Variants in PCDHGA7 observed in about 807,000 individuals in gnomAD.
PCDHGA7 encodes protocadherin gamma-A7.
PCDHGA7 carries 44 observed loss-of-function variants against 58.3 expected under a neutral mutation model. The observed-to-expected ratio is 0.75, with a 90% CI of 0.59 to 0.97. PCDHGA7 has a LOEUF of 0.97. Among genes scored for constraint, PCDHGA7 ranks in the 50% least tolerant of loss-of-function variants. The pLI is 0.00. For synonymous variants in PCDHGA7, 516 were observed against 504.2 expected (o/e 1.02, Z -0.31); for missense variants, 1,266 against 1,188.7 (o/e 1.06, Z -0.96).
intron 1 of PCDHGA7, chr5:141,426,675 C>T: frequency 2.3e-6 from 1 of 431,942 alleles, no homozygotes; most frequent in South Asian, 1.6e-5. Flanking sequence ...TAACCCACCT[C>T]ATTTTCCCCA....
At chr5:141,404,855 A>G (rs370062374) in intron 1 of PCDHGA7, 13 of 1,613,704 alleles carry the variant, frequency 8.1e-6, no homozygotes, top group African/African-American at 2.7e-5. Flanking sequence ...CCTGCTAGAT[A>G]GAGATGCGCT....
At chr5:141,430,729 G>T in intron 1 of PCDHGA7, 1 of 1,499,360 alleles carries the variant, frequency 6.7e-7, no homozygotes, top group East Asian at 2.3e-5. Flanking sequence ...GTTAAGGGCA[G>T]AATTGAAAAT....
At position 141,485,035 on chromosome 5, in the gene PCDHGA7, AC is replaced by A; in HGVS notation, c.2425-9769del. ...CCGCCACCAGCAAAAACGGCGCGTA[AC>A]CCTTGCGGCGCCGGCCGAACCGCGC... On this transcript the variant is annotated intron_variant, in intron 1 of 3. Coordinates refer to ENST00000518325, the MANE Select transcript of PCDHGA7 (RefSeq NM_018920.4). The surrounding 1 kb of genome is among the most constrained non-coding windows in gnomAD (Gnocchi z 5.7). 1.4e-6 allele frequency: 1 copy of A among 694,388 alleles called. No homozygotes were observed. Among genetic ancestry groups the A allele is most frequent in the East Asian group, 2.6e-5 (1 of 38,852 alleles). The allele number at this position is 694,388 out of a possible 1,614,324, so 43.0% of individuals were successfully genotyped here.
At chr5:141,451,302 G>A (rs1445994098) in intron 1 of PCDHGA7, among the ~76,000 whole-genome samples, 1 of 152,208 alleles carries the variant, frequency 6.6e-6, no homozygotes, top group Non-Finnish European at 1.5e-5. Context: ...GTCTTACAAG[G>A]CAGCAATTAA....
chr5:141,479,003 C>T (rs2099485569), intron 1 of PCDHGA7, among the ~76,000 whole-genome samples: 1 of 152,176 alleles, frequency 6.6e-6, no homozygotes, highest in South Asian at 2.1e-4. Context: ...AAACTAATAG[C>T]TTTTTGATAA....
In PCDHGA7 at chr5:141,385,425, T is replaced by C; in HGVS notation, c.2424+102T>C. On this transcript the variant is annotated intron_variant, in intron 1 of 3. Coordinates refer to ENST00000518325, the MANE Select transcript of PCDHGA7 (RefSeq NM_018920.4). The stretch of plus-strand genomic sequence containing the variant: ...TTTTGAAAATAGGGATTTAAAAAAC[T>C]TTATAGAGGTAAAAATGAGTTTACC... The C allele has an allele frequency of 2.7e-6, 4 of 1,460,336 alleles. No individual in the cohort carries two copies. The South Asian group carries it at 4.4e-5, about 16-fold the overall frequency. The allele number at this position is 1,460,336 out of a possible 1,614,324, so 90.5% of individuals were successfully genotyped here. A position where few individuals can be genotyped will look rare whatever the true frequency, so the allele number is the denominator to read the frequency against.
intron 1 of PCDHGA7, chr5:141,399,835 C>T (rs756646382): frequency 1.2e-6 from 2 of 1,613,164 alleles, no homozygotes; most frequent in South Asian, 2.2e-5. Flanking sequence ...CGGCTCTGCG[C>T]TCTTCGATAT....
chr5:141,434,938 A>G (rs938787407), intron 1 of PCDHGA7, among the ~76,000 whole-genome samples: 2 of 151,738 alleles, frequency 1.3e-5, no homozygotes, highest in Admixed American at 1.3e-4. Flanking sequence ...TATATAATAG[A>G]TATAATTTAT....
intron 1 of PCDHGA7, among the ~76,000 whole-genome samples, chr5:141,447,221 C>A (rs1034853072): frequency 6.6e-6 from 1 of 152,026 alleles, no homozygotes; most frequent in Non-Finnish European, 1.5e-5. Context: ...CTCACTGCAA[C>A]CTCCGCCTCC....
intron 1 of PCDHGA7, chr5:141,388,783 C>A: frequency 3.1e-6 from 5 of 1,613,818 alleles, no homozygotes; most frequent in South Asian, 1.1e-5. Context: ...GGGGAAATTA[C>A]TGTTTTAAAT....
At position 141,389,059 on chromosome 5, in the gene PCDHGA7, T is replaced by C. The variant is rs773183818; in HGVS notation, c.2424+3736T>C. The stretch of plus-strand genomic sequence containing the variant: ...TTGGAAGGTGATGTTCCATTTAAAA[T>C]ATTAACTTCTTCAAGAAACACGTAT... On this transcript the variant is annotated intron_variant, in intron 1 of 3. Transcript: ENST00000518325. 4 of 1,613,988 alleles carry C rather than the reference T, an allele frequency of 2.5e-6. No individual in the cohort carries two copies. In the South Asian group the frequency reaches 4.4e-5, roughly 18 times the overall value.
intron 1 of PCDHGA7, among the ~76,000 whole-genome samples, chr5:141,472,590 C>G (rs1161871973): frequency 6.6e-6 from 1 of 151,908 alleles, no homozygotes; most frequent in African/African-American, 2.4e-5. Flanking sequence ...GTCAGAAGCT[C>G]TCTTGAAATT....
At chr5:141,394,764 C>T in intron 1 of PCDHGA7, 3 of 1,613,450 alleles carry the variant, frequency 1.9e-6, no homozygotes, top group Middle Eastern at 1.6e-4. Flanking sequence ...GGACCATGGC[C>T]AGCCCCCTCT....
At position 141,432,202 on chromosome 5, in the gene PCDHGA7, T is replaced by C; in HGVS notation, c.2424+46879T>C. 1 of 1,614,120 alleles carries C rather than the reference T, an allele frequency of 6.2e-7. No homozygotes were observed. The highest frequency in any genetic ancestry group is 1.1e-5 in the South Asian group (1 of 91,072). ...CTGTGACCGCCCACGACCCCGACTGTGAAGAGAACGCCCAGATCACTTATT... is the reference window on the plus strand; with the variant it reads ...CTGTGACCGCCCACGACCCCGACTGCGAAGAGAACGCCCAGATCACTTATT... On this transcript the variant is annotated intron_variant, in intron 1 of 3. Coordinates refer to ENST00000518325, the MANE Select transcript of PCDHGA7 (RefSeq NM_018920.4). The surrounding 1 kb of genome is among the most constrained non-coding windows in gnomAD (Gnocchi z 6.0).
chr5:141,449,066 A>G (rs1234801725), intron 1 of PCDHGA7, among the ~76,000 whole-genome samples: 3 of 152,188 alleles, frequency 2.0e-5, no homozygotes, highest in African/African-American at 4.8e-5. Context: ...GCGCTATTGA[A>G]TAGCCCTGTA....
Position 141,477,964 on chromosome 5 carries a change from G to T in PCDHGA7, c.2425-16843G>T, listed in dbSNP as rs2099426491. On this transcript the variant is annotated intron_variant, in intron 1 of 3. Coordinates refer to ENST00000518325, the MANE Select transcript of PCDHGA7 (RefSeq NM_018920.4). The surrounding 1 kb of genome is among the most constrained non-coding windows in gnomAD (Gnocchi z 4.9). Reference sequence around the variant, plus strand: ...ACAGTCTCTTGGGATCCCCTAACCAGAGCCTTTTTGCCATAGGGCTGCACA... The same window carrying T: ...ACAGTCTCTTGGGATCCCCTAACCATAGCCTTTTTGCCATAGGGCTGCACA... 6.2e-7 allele frequency: 1 copy of T among 1,613,978 alleles called. No homozygotes were observed. The highest frequency in any genetic ancestry group is 1.1e-5 in the South Asian group (1 of 91,080).
Position 141,487,650 on chromosome 5 carries a change from G to T in PCDHGA7, c.2425-7157G>T, listed in dbSNP as rs772715932. The T allele has an allele frequency of 6.8e-6, 11 of 1,613,876 alleles. No individual in the cohort carries two copies. Among genetic ancestry groups the T allele is most frequent in the Admixed American group, 1.7e-5 (1 of 59,978 alleles). On this transcript the variant is annotated intron_variant, in intron 1 of 3. Coordinates refer to ENST00000518325, the MANE Select transcript of PCDHGA7 (RefSeq NM_018920.4). This position sits in a 1 kb window ranked among gnomAD's most constrained non-coding sequence, Gnocchi z 5.0. ...TTGCAGGCTCAACAAATGCTTGAGG[G>T]TTATTCTGATCCAGGCATATGGCTA...
intron 1 of PCDHGA7, chr5:141,407,920 C>T: frequency 2.1e-6 from 1 of 475,788 alleles, no homozygotes; most frequent in Non-Finnish European, 3.6e-6. Context: ...GCTGCTGTCC[C>T]GCACGGAGCC....
chr5:141,417,771 C>G, intron 1 of PCDHGA7: 1 of 1,456,488 alleles, frequency 6.9e-7, no homozygotes, highest in Non-Finnish European at 9.1e-7. Flanking sequence ...CGGGACTCCT[C>G]CTGTCCTGGG....
Sources: gnomAD v4.1 joint callset for allele counts (sites outside exome capture counted in the v4.1 genomes callset) on GRCh38, gnomAD v4.1.1 for gene constraint, Gnocchi (gnomAD v3.1) non-coding constraint, MANE v1.5 for transcripts, NCBI Gene and HGNC (gene_info 2026-07-23, HGNC 2026-07-21) for gene names.